The following RAD18 variants were observed in gnomAD, a reference collection of about 807,000 sequenced individuals.
The protein encoded by RAD18 is RAD18 E3 ubiquitin protein ligase.
RAD18 carries 47 observed loss-of-function variants against 60.4 expected under a neutral mutation model. The ratio of observed to expected loss-of-function variants is 0.78; its 90% confidence interval spans 0.62 to 0.99. The LOEUF (loss-of-function observed/expected upper bound fraction) is 0.99, where lower values mean the gene tolerates loss of function less well. RAD18 is among the 50% of genes least tolerant of loss of function. The probability of loss-of-function intolerance (pLI) is 0.00; values close to 1 mark genes in which losing one functional copy is unlikely to be tolerated. For synonymous variants in RAD18, 225 were observed against 195.5 expected, an observed-to-expected ratio of 1.15 and a Z score of -1.26; for missense variants, 640 against 593.3, an observed-to-expected ratio of 1.08 and a Z score of -0.82.
intron 7 of RAD18, among the ~76,000 whole-genome samples, chr3:8,924,110 G>C (rs1940380605): frequency 6.6e-6 from 1 of 152,136 alleles, no homozygotes; most frequent in Non-Finnish European, 1.5e-5. Flanking sequence ...AAAAGACACA[G>C]ACTGGCAAAT....
At chr3:8,899,096 T>A in intron 10 of RAD18, 49 bp from the exon 11 acceptor site, 1 of 1,420,242 alleles carries the variant, frequency 7.0e-7, no homozygotes, top group Non-Finnish European at 9.6e-7. Context: ...AACTTCTGTA[T>A]GCCTATTACT....
chr3:8,914,966 G>A (rs564783291), intron 7 of RAD18, among the ~76,000 whole-genome samples: 5 of 151,950 alleles, frequency 3.3e-5, no homozygotes, highest in East Asian at 3.9e-4. Context: ...ATGAAACCCC[G>A]TCTCCACTAA....
At chr3:8,917,121 T>G (rs1447436817) in intron 7 of RAD18, among the ~76,000 whole-genome samples, 2 of 152,132 alleles carry the variant, frequency 1.3e-5, no homozygotes, top group Non-Finnish European at 2.9e-5. Flanking sequence ...TACATTACAC[T>G]TCTCATCAGA....
rs755463382 is a variant in RAD18 at position 8,878,146 on chromosome 3, G to T, written c.*3211C>A. On this transcript the variant is annotated 3_prime_UTR_variant, in exon 13 of 13. Transcript: ENST00000264926. ...GGCAGATGCTGGTAGAAGTCTGTCG[G>T]GGGGAGCAGCAACATATGCAAGCAT... is the stretch of plus-strand genomic sequence containing the variant. 6.6e-6 allele frequency: 1 copy of T among 152,258 alleles called. No individual in the cohort carries two copies. The highest frequency in any genetic ancestry group is 1.5e-5 in the Non-Finnish European group (1 of 68,094). 9.4% of individuals were successfully genotyped at this position (152,258 alleles called of 1,614,324 possible).
At chr3:8,954,686 C>A (rs553480012) in intron 2 of RAD18, among the ~76,000 whole-genome samples, 2 of 152,192 alleles carry the variant, frequency 1.3e-5, no homozygotes, top group South Asian at 4.1e-4. Flanking sequence ...CTAAACAGAA[C>A]AAAACAAAAT....
chr3:8,899,486 T>A (rs528674354), intron 10 of RAD18, among the ~76,000 whole-genome samples: 1 of 152,328 alleles, frequency 6.6e-6, no homozygotes, highest in African/African-American at 2.4e-5. Context: ...CTGGACATTT[T>A]TCTAAACATT....
rs981268609 is a variant in RAD18, at chr3:8,885,236, C to T, written c.1386-3777G>A. On this transcript the variant is annotated intron_variant, in intron 12 of 12. Coordinates refer to ENST00000264926, the MANE Select transcript of RAD18 (RefSeq NM_020165.4). Reference sequence around the variant, plus strand: ...TGGTCAGATCAAGGACCACTGTAAACAGGCCTGAGTTTCCTTTTATTCATT... The same window carrying T: ...TGGTCAGATCAAGGACCACTGTAAATAGGCCTGAGTTTCCTTTTATTCATT... Among the ~76,000 whole-genome samples the T allele has an allele frequency of 4.6e-5, 7 of 152,164 alleles. 1 individual carries two copies. The highest frequency in any genetic ancestry group is 3.9e-4 in the Admixed American group (6 of 15,274).
At chr3:8,918,430 TA>T (rs995826840) in intron 7 of RAD18, among the ~76,000 whole-genome samples, 1 of 151,928 alleles carries the variant, frequency 6.6e-6, no homozygotes, top group African/African-American at 2.4e-5. Flanking sequence ...TAAAATACAT[TA>T]AAAAGTATTT....
chr3:8,960,585 A>C (rs1428385487), intron 1 of RAD18, among the ~76,000 whole-genome samples: 3 of 152,258 alleles, frequency 2.0e-5, no homozygotes, highest in Admixed American at 2.0e-4. Flanking sequence ...CTAGGAAAAT[A>C]AAAATCAGAA....
In RAD18 at chr3:8,909,565, C is replaced by A. The variant is rs75493499; in HGVS notation, c.1027+2747G>T. Among the ~76,000 whole-genome samples, 1,238 of 151,846 alleles carry A rather than the reference C, an allele frequency of 8.2e-3. 15 individuals are homozygous for A. The highest frequency in any genetic ancestry group is 0.028 in the African/African-American group (1,168 of 41,424). On this transcript the variant is annotated intron_variant, in intron 9 of 12. Transcript: ENST00000264926. ...AAAGATAAAGAATCAGAATGGCAAG[C>A]TAGTTATTAGCAACAGTGATGGAAA...
At chr3:8,886,104 A>T (rs1006052806) in intron 12 of RAD18, among the ~76,000 whole-genome samples, 1 of 152,246 alleles carries the variant, frequency 6.6e-6, no homozygotes, top group Admixed American at 6.5e-5. Flanking sequence ...TAGCTGCTAG[A>T]GAAAAAGAAA....
chr3:8,947,006 T>A (rs1406893161), intron 4 of RAD18: 2 of 453,500 alleles, frequency 4.4e-6, no homozygotes, highest in African/African-American at 4.1e-5. Flanking sequence ...TTTTAACTCT[T>A]AATTATTCTA....
chr3:8,937,366 C>G (rs1940670916), intron 6 of RAD18, among the ~76,000 whole-genome samples: 1 of 152,186 alleles, frequency 6.6e-6, no homozygotes, highest in African/African-American at 2.4e-5. Context: ...CAATTTCTAT[C>G]AGGAATTTTA....
chr3:8,887,675 T>C (rs902465509), intron 12 of RAD18, among the ~76,000 whole-genome samples: 1 of 152,226 alleles, frequency 6.6e-6, no homozygotes, highest in African/African-American at 2.4e-5. Flanking sequence ...GCTTTTTGAA[T>C]TGAGCAAGCT....
intron 11 of RAD18, among the ~76,000 whole-genome samples, chr3:8,893,738 C>A (rs1939738205): frequency 7.3e-6 from 1 of 137,042 alleles, no homozygotes; most frequent in East Asian, 2.1e-4. Flanking sequence ...TGCTCTGTCA[C>A]TCAGGCTGGA....
intron 11 of RAD18, among the ~76,000 whole-genome samples, chr3:8,895,257 T>C (rs1939764892): frequency 6.6e-6 from 1 of 152,228 alleles, no homozygotes; most frequent in African/African-American, 2.4e-5. Context: ...GAAAAAGATT[T>C]TGTGGCAACA....
chr3:8,928,110 T>G lies in RAD18; in HGVS notation c.889+7761A>C, dbSNP rs182376683. ...TCCTTCCATTATACATGAAGTAGTG[T>G]ACTATTCATTGAAGGTAGACTGAGA... On this transcript the variant is annotated intron_variant, in intron 7 of 12. Transcript: ENST00000264926. Among the ~76,000 whole-genome samples, 11 of 149,960 alleles carry G rather than the reference T, an allele frequency of 7.3e-5. No individual in the cohort carries two copies. In the East Asian group the frequency reaches 2.1e-3, roughly 29 times the overall value.
intron 5 of RAD18, among the ~76,000 whole-genome samples, chr3:8,940,058 C>T (rs1368559610): frequency 1.3e-5 from 2 of 152,188 alleles, no homozygotes; most frequent in Admixed American, 6.5e-5. Flanking sequence ...CACACCTGGC[C>T]CAAGGGCCGA....
chr3:8,951,560 G>A (rs1242686168), intron 2 of RAD18, among the ~76,000 whole-genome samples: 2 of 152,184 alleles, frequency 1.3e-5, no homozygotes, highest in Admixed American at 6.5e-5. Context: ...GAAGAGTACT[G>A]GAGAAGGAAT....
Sources: gnomAD v4.1 joint callset for allele counts (sites outside exome capture counted in the v4.1 genomes callset) on GRCh38, gnomAD v4.1.1 for gene constraint, MANE v1.5 for transcripts, NCBI Gene and HGNC (gene_info 2026-07-23, HGNC 2026-07-21) for gene names.